GAREM1: variants seen among roughly 807,000 people sequenced by gnomAD.
The protein encoded by GAREM1 is GRB2-associated and regulator of MAPK protein 1.
A neutral mutation model predicts 71.3 loss-of-function variants in GAREM1; 26 were observed. That is an observed-to-expected ratio of 0.36 (90% CI 0.27 to 0.51). GAREM1 has a LOEUF of 0.51. Ranked by LOEUF, GAREM1 falls within the 20% of genes least tolerant of loss-of-function variation. The pLI, the probability that GAREM1 is intolerant of heterozygous loss-of-function variation, is 0.95. For synonymous variants in GAREM1, 440 were observed against 433.2 expected, an observed-to-expected ratio of 1.02 and a Z score of -0.20; for missense variants, 1,026 against 1,103.1, an observed-to-expected ratio of 0.93 and a Z score of 0.99.
chr18:32,310,212 T>A lies in GAREM1; in HGVS notation c.374A>T (p.Asp125Val). 6.2e-7 allele frequency: 1 copy of A among 1,614,114 alleles called. No homozygotes were observed. The highest frequency in any genetic ancestry group is 8.5e-7 in the Non-Finnish European group (1 of 1,180,010). ...AFPERVYVME[D>V]ITFNVKVASG... is the part of the protein sequence containing the mutation. ...TACTACCTTCACGTTGAATGTGATA[T>A]CCTCCATGACGTACACGCGTTCAGG... Residue 125 changes from aspartate (D) to valine (V), a missense_variant, in exon 3 of 6, where the codon GAT becomes GTT. Asp to Val is a radical substitution (Grantham distance 152). Around this residue, in one of 3 missense-constraint regions of GAREM1, gnomAD observed 172 missense variants for 175.2 expected, o/e 0.98. Transcript: ENST00000269209.
intron 2 of GAREM1, among the ~76,000 whole-genome samples, chr18:32,359,812 G>C (rs2047846468): frequency 6.6e-6 from 1 of 152,084 alleles, no homozygotes; most frequent in Non-Finnish European, 1.5e-5. Flanking sequence ...TGTAGTCCCA[G>C]TTACATGGGA....
chr18:32,456,314 G>A (rs970660006), intron 1 of GAREM1, among the ~76,000 whole-genome samples: 1 of 152,070 alleles, frequency 6.6e-6, no homozygotes, highest in African/African-American at 2.4e-5. Flanking sequence ...GAGCAAGTCC[G>A]AGTGGTGAAC....
chr18:32,467,792 T>A (rs1470252016), intron 1 of GAREM1, among the ~76,000 whole-genome samples: 1 of 152,166 alleles, frequency 6.6e-6, no homozygotes, highest in Non-Finnish European at 1.5e-5. Flanking sequence ...ATGTAAAATG[T>A]ACCTGCAGTA....
At chr18:32,293,123 A>G (rs2047102925) in intron 3 of GAREM1, among the ~76,000 whole-genome samples, 1 of 151,878 alleles carries the variant, frequency 6.6e-6, no homozygotes, top group African/African-American at 2.4e-5. Flanking sequence ...AGTTATACAC[A>G]CAGACACACA....
intron 2 of GAREM1, among the ~76,000 whole-genome samples, chr18:32,337,387 T>G (rs891493006): frequency 2.6e-4 from 39 of 152,206 alleles, no homozygotes; most frequent in African/African-American, 8.9e-4. Context: ...TTACAATATG[T>G]ACGTAAGTGG....
intron 2 of GAREM1, among the ~76,000 whole-genome samples, chr18:32,334,954 C>T (rs2047575018): frequency 6.6e-6 from 1 of 152,144 alleles, no homozygotes; most frequent in East Asian, 1.9e-4. Flanking sequence ...CTGGCGAATG[C>T]CCACTCAGAC....
chr18:32,412,245 C>T (rs1370390218), intron 1 of GAREM1: 4 of 1,571,178 alleles, frequency 2.5e-6, no homozygotes, highest in Non-Finnish European at 3.5e-6. Context: ...ACAGCTACTG[C>T]TGCTGCTGGA....
intron 2 of GAREM1, among the ~76,000 whole-genome samples, chr18:32,336,123 C>T (rs1016446129): frequency 2.6e-4 from 40 of 152,020 alleles, no homozygotes; most frequent in African/African-American, 7.2e-4. Context: ...TAAGGCCTGC[C>T]GGGATGTTAT....
At chr18:32,361,596 T>C (rs2047866855) in intron 2 of GAREM1, among the ~76,000 whole-genome samples, 1 of 152,112 alleles carries the variant, frequency 6.6e-6, no homozygotes, top group Non-Finnish European at 1.5e-5. Context: ...GTTTGGAAAT[T>C]TGACATTCCT....
At chr18:32,411,046 G>T (rs937357146) in intron 1 of GAREM1, among the ~76,000 whole-genome samples, 2 of 152,096 alleles carry the variant, frequency 1.3e-5, no homozygotes, top group African/African-American at 4.8e-5. Flanking sequence ...CAAGTGATCT[G>T]CCCACCTCAG....
chr18:32,447,098 A>AAC (rs1398373927), intron 1 of GAREM1, among the ~76,000 whole-genome samples: 2 of 152,224 alleles, frequency 1.3e-5, no homozygotes, highest in Non-Finnish European at 2.9e-5. Flanking sequence ...TTTCTACTAC[A>AAC]AGTGTGCACA....
intron 4 of GAREM1, among the ~76,000 whole-genome samples, chr18:32,282,702 G>T (rs2046967333): frequency 6.6e-6 from 1 of 152,154 alleles, no homozygotes; most frequent in Non-Finnish European, 1.5e-5. Flanking sequence ...GAGCCACGGT[G>T]CCAGGCTAAC....
chr18:32,265,638 A>T lies in GAREM1; in HGVS notation c.*2233T>A, dbSNP rs958813891. 2.6e-5 allele frequency: 4 copies of T among 152,222 alleles called. No individual in the cohort carries two copies. Among genetic ancestry groups the T allele is most frequent in the African/African-American group, 9.6e-5 (4 of 41,462 alleles). 9.4% of individuals were successfully genotyped at this position (152,222 alleles called of 1,614,324 possible). A position where few individuals can be genotyped will look rare whatever the true frequency, so the allele number is the denominator to read the frequency against. On this transcript the variant is annotated 3_prime_UTR_variant, in exon 6 of 6. Coordinates refer to ENST00000269209, the MANE Select transcript of GAREM1 (RefSeq NM_001242409.2). The stretch of plus-strand genomic sequence containing the variant: ...GCCAATCAATATAAACTTGACAAAA[A>T]TACACCAAGTCCAAAACAAGCAAAA...
At chr18:32,387,598 G>A (rs1417079391) in intron 2 of GAREM1, among the ~76,000 whole-genome samples, 1 of 152,146 alleles carries the variant, frequency 6.6e-6, no homozygotes, top group Non-Finnish European at 1.5e-5. Context: ...ACGTGATGTT[G>A]ACTGGACACA....
chr18:32,325,873 C>T (rs554318215), intron 2 of GAREM1, among the ~76,000 whole-genome samples: 4 of 152,232 alleles, frequency 2.6e-5, no homozygotes, highest in African/African-American at 9.6e-5. Context: ...GATGACTAAA[C>T]ATATATGAAG....
At chr18:32,349,664 T>G (rs1032947568) in intron 2 of GAREM1, among the ~76,000 whole-genome samples, 1 of 152,238 alleles carries the variant, frequency 6.6e-6, no homozygotes, top group African/African-American at 2.4e-5. Context: ...TTAATAAAAT[T>G]CCAATTTGTT....
intron 1 of GAREM1, among the ~76,000 whole-genome samples, chr18:32,399,883 G>T (rs1290995870): frequency 2.6e-5 from 4 of 152,298 alleles, no homozygotes; most frequent in South Asian, 4.1e-4. Context: ...TAAGCAAAAA[G>T]AACAAAGCTG....
At chr18:32,400,678 G>C (rs372734383) in intron 1 of GAREM1, among the ~76,000 whole-genome samples, 1 of 152,120 alleles carries the variant, frequency 6.6e-6, no homozygotes, top group East Asian at 1.9e-4. Context: ...GAAACAACAG[G>C]TGCTGGAGAG....
At chr18:32,456,990 T>C (rs982875682) in intron 1 of GAREM1, among the ~76,000 whole-genome samples, 7 of 152,076 alleles carry the variant, frequency 4.6e-5, no homozygotes, top group South Asian at 2.1e-4. Flanking sequence ...TGTATGTATA[T>C]GTAATAGCGA....
Sources: allele counts gnomAD v4.1 joint callset (sites outside exome capture counted in the v4.1 genomes callset), GRCh38; gene constraint gnomAD v4.1.1; regional missense constraint gnomAD v4.1.1; transcripts MANE v1.5; gene names NCBI Gene and HGNC (gene_info 2026-07-23, HGNC 2026-07-21).